CIMIP3: variants seen among roughly 807,000 people sequenced by gnomAD.
CIMIP3 encodes the protein GUCA1A neighbor.
At chr6:42,163,360 C>T in the CIMIP3 span, 2 of 422,628 alleles carry the variant, frequency 4.7e-6, no homozygotes, top group Non-Finnish European at 8.5e-6. Flanking sequence ...CGGGCTAAGA[C>T]AGCTGTGCCA....
chr6:42,157,931 T>G, the CIMIP3 span, among the ~76,000 whole-genome samples: 1 of 152,244 alleles, frequency 6.6e-6, no homozygotes, highest in South Asian at 2.1e-4. Context: ...CGCTGATGAT[T>G]CTTTGTTGCG....
chr6:42,160,169 T>A, the CIMIP3 span, among the ~76,000 whole-genome samples: 1 of 151,448 alleles, frequency 6.6e-6, no homozygotes, highest in African/African-American at 2.4e-5. Flanking sequence ...ATTTTTTTTT[T>A]ATAGAGACAA....
the CIMIP3 span, among the ~76,000 whole-genome samples, chr6:42,157,344 A>T: frequency 6.6e-6 from 1 of 151,906 alleles, no homozygotes; most frequent in Non-Finnish European, 1.5e-5. Context: ...CTCCTCCCTG[A>T]TTCAAGTGAT....
the CIMIP3 span, chr6:42,162,855 CT>C: frequency 5.1e-6 from 3 of 587,950 alleles, no homozygotes; most frequent in South Asian, 6.4e-5. Context: ...CCTTCTGCCC[CT>C]GGCATAGCAG....
chr6:42,156,280 G>C, the CIMIP3 span, among the ~76,000 whole-genome samples: 5 of 151,416 alleles, frequency 3.3e-5, no homozygotes, highest in Non-Finnish European at 2.9e-5. Flanking sequence ...ACAGGCGTGA[G>C]CCACTGTGCT....
At chr6:42,162,139 C>T in the CIMIP3 span, among the ~76,000 whole-genome samples, 25 of 128,254 alleles carry the variant, frequency 1.9e-4, no homozygotes, top group African/African-American at 3.0e-4. Context: ...GTAGGCTGGA[C>T]GCAGTGGCTC....
chr6:42,162,284 G>C, the CIMIP3 span, among the ~76,000 whole-genome samples: 6 of 149,890 alleles, frequency 4.0e-5, no homozygotes, highest in Admixed American at 2.0e-4. Context: ...CGTGGTGGCG[G>C]GTGCCTGTAA....
At chr6:42,163,281 A>G in the CIMIP3 span, 96 of 521,140 alleles carry the variant, frequency 1.8e-4, 3 homozygotes, top group South Asian at 2.7e-3. Flanking sequence ...CCGACCCTTC[A>G]CCCTCACCCC....
At chr6:42,158,738 G>C in the CIMIP3 span, among the ~76,000 whole-genome samples, 2 of 152,240 alleles carry the variant, frequency 1.3e-5, no homozygotes, top group Non-Finnish European at 2.9e-5. Flanking sequence ...CTTTTGCAGA[G>C]CTGAGTGGCT....
chr6:42,155,943 T>C, the CIMIP3 span, among the ~76,000 whole-genome samples: 6 of 152,260 alleles, frequency 3.9e-5, no homozygotes, highest in Admixed American at 3.3e-4. Flanking sequence ...AAAATTGAGG[T>C]ACAGAGATTA....
chr6:42,156,299 T>A, the CIMIP3 span, among the ~76,000 whole-genome samples: 6 of 148,280 alleles, frequency 4.0e-5, no homozygotes, highest in East Asian at 9.7e-4. Flanking sequence ...CTCAGCCATT[T>A]TTTTTTCTTT....
chr6:42,161,978 A>G, the CIMIP3 span, among the ~76,000 whole-genome samples: 1 of 151,976 alleles, frequency 6.6e-6, no homozygotes, highest in Non-Finnish European at 1.5e-5. Context: ...CACCTGAGCC[A>G]AGGTACAGGC....
the CIMIP3 span, among the ~76,000 whole-genome samples, chr6:42,157,536 C>T: frequency 1.3e-5 from 2 of 151,720 alleles, no homozygotes; most frequent in Non-Finnish European, 2.9e-5. Context: ...AGGCGTGAGC[C>T]ATGGTGCCGG....
chr6:42,161,758 T>A, the CIMIP3 span, among the ~76,000 whole-genome samples: 1 of 152,124 alleles, frequency 6.6e-6, no homozygotes, highest in Non-Finnish European at 1.5e-5. Flanking sequence ...AGTGAGCGGG[T>A]ACCCCTTACT....
At chr6:42,161,981 G>A in the CIMIP3 span, among the ~76,000 whole-genome samples, 5 of 151,782 alleles carry the variant, frequency 3.3e-5, no homozygotes, top group Non-Finnish European at 7.4e-5. Context: ...CTGAGCCAAG[G>A]TACAGGCTCT....
At chr6:42,162,756 C>G in the CIMIP3 span, among the ~76,000 whole-genome samples, 1 of 152,154 alleles carries the variant, frequency 6.6e-6, no homozygotes, top group African/African-American at 2.4e-5. Flanking sequence ...GATGGCTCTC[C>G]CCTGCTCTGG....
the CIMIP3 span, among the ~76,000 whole-genome samples, chr6:42,162,090 CTTT>C: frequency 7.9e-5 from 5 of 63,090 alleles, no homozygotes; most frequent in Admixed American, 3.5e-4. Context: ...AAGCCACATT[CTTT>C]TTTTTTTTTT....
At chr6:42,157,697 G>T in the CIMIP3 span, among the ~76,000 whole-genome samples, 7 of 152,236 alleles carry the variant, frequency 4.6e-5, 1 homozygote, top group African/African-American at 1.7e-4. Flanking sequence ...CCCAGTGAGG[G>T]ATAATTCTAC....
the CIMIP3 span, among the ~76,000 whole-genome samples, chr6:42,161,367 C>T: frequency 5.9e-5 from 9 of 152,098 alleles, no homozygotes; most frequent in Admixed American, 3.9e-4. Flanking sequence ...TTCCCCTGAC[C>T]GCTGAAGCCT....
Sources: gnomAD v4.1 joint callset for allele counts (sites outside exome capture counted in the v4.1 genomes callset) on GRCh38, gnomAD v4.1.1 for gene constraint, MANE v1.5 for transcripts, NCBI Gene and HGNC (gene_info 2026-07-23, HGNC 2026-07-21) for gene names.